Variants in MED13L observed in about 807,000 individuals in gnomAD.
MED13L encodes the protein mediator of RNA polymerase II transcription subunit 13-like.
A neutral mutation model predicts 220.9 loss-of-function variants in MED13L; 7 were observed. The ratio of observed to expected loss-of-function variants is 0.03; its 90% CI spans 0.02 to 0.06. MED13L has a LOEUF of 0.06. Ranked by LOEUF, MED13L falls within the 10% of genes least tolerant of loss-of-function variation. MED13L has a pLI of 1.00. For missense variants in MED13L, 1,965 were observed against 2,760.5 expected (o/e 0.71, Z 6.46); for synonymous variants, 1,011 against 1,015.2 (o/e 1.00, Z 0.08).
intron 29 of MED13L, among the ~76,000 whole-genome samples, chr12:115,964,551 G>T (rs534509418): frequency 6.6e-6 from 1 of 152,154 alleles, no homozygotes; most frequent in East Asian, 1.9e-4. Context: ...TTATTTTTCA[G>T]ACTGAGTTGA....
intron 2 of MED13L, among the ~76,000 whole-genome samples, chr12:116,158,879 C>T (rs1160906522): frequency 6.6e-6 from 1 of 152,150 alleles, no homozygotes; most frequent in African/African-American, 2.4e-5. Flanking sequence ...GCTGAAGTAA[C>T]CTCACGTGAC....
chr12:116,184,034 G>A (rs1292584885), intron 2 of MED13L, among the ~76,000 whole-genome samples: 1 of 152,050 alleles, frequency 6.6e-6, no homozygotes, highest in Non-Finnish European at 1.5e-5. Context: ...CATTTAAGAA[G>A]GATTACCACC....
chr12:116,045,163 T>A (rs1566028115), intron 4 of MED13L, among the ~76,000 whole-genome samples: 1 of 152,200 alleles, frequency 6.6e-6, no homozygotes, highest in African/African-American at 2.4e-5. Flanking sequence ...ATGGAAAATA[T>A]TACATGTTCT....
intron 1 of MED13L, among the ~76,000 whole-genome samples, chr12:116,241,215 G>C (rs1190685085): frequency 6.6e-6 from 1 of 151,410 alleles, no homozygotes; most frequent in African/African-American, 2.4e-5. Flanking sequence ...TGAAGCAGGA[G>C]AATCGCTTGA....
At chr12:116,189,402 G>C (rs1881123588) in intron 2 of MED13L, among the ~76,000 whole-genome samples, 1 of 151,790 alleles carries the variant, frequency 6.6e-6, no homozygotes, top group African/African-American at 2.4e-5. Context: ...ACAAGTACTA[G>C]CTCTCTGTCA....
chr12:116,167,581 C>CA lies in MED13L; in HGVS notation c.311-56070dup, dbSNP rs886426950. On this transcript the variant is annotated intron_variant, in intron 2 of 30. Coordinates refer to ENST00000281928, the MANE Select transcript of MED13L (RefSeq NM_015335.5). Reference sequence around the variant, plus strand: ...TTATGTGGAGATCACTTTGAGGTGTCAAAAAAAAATCAATTCATCATATTC... The same window carrying CA: ...TTATGTGGAGATCACTTTGAGGTGTCAAAAAAAAAATCAATTCATCATATTC... Among the ~76,000 whole-genome samples, 29 of 150,682 alleles carry CA rather than the reference C, an allele frequency of 1.9e-4. 1 individual carries two copies. The highest frequency in any genetic ancestry group is 6.9e-3 in the Middle Eastern group (2 of 290).
At chr12:116,099,383 C>T (rs1205575700) in intron 3 of MED13L, among the ~76,000 whole-genome samples, 2 of 152,154 alleles carry the variant, frequency 1.3e-5, no homozygotes, top group African/African-American at 4.8e-5. Flanking sequence ...ATTGATAATG[C>T]TGAGAATAAA....
chr12:116,154,416 C>T (rs1045790903), intron 2 of MED13L, among the ~76,000 whole-genome samples: 1 of 152,138 alleles, frequency 6.6e-6, no homozygotes, highest in Admixed American at 6.5e-5. Flanking sequence ...AACTTCCCAC[C>T]ACCCAATAAA....
chr12:115,974,977 GATTTT>G (rs1312551852), intron 25 of MED13L, among the ~76,000 whole-genome samples, 189 bp downstream of exon 25: 7 of 152,052 alleles, frequency 4.6e-5, no homozygotes, highest in Non-Finnish European at 1.0e-4. Flanking sequence ...CAAAATTTAA[GATTTT>G]ATTTGGATAT....
At chr12:116,091,687 T>C (rs555223094) in intron 4 of MED13L, among the ~76,000 whole-genome samples, 1 of 152,350 alleles carries the variant, frequency 6.6e-6, no homozygotes, top group Non-Finnish European at 1.5e-5. Context: ...TAATGCAAGC[T>C]ACTGCAATCT....
intron 4 of MED13L, among the ~76,000 whole-genome samples, chr12:116,077,839 T>C (rs569789708): frequency 6.6e-6 from 1 of 152,270 alleles, no homozygotes; most frequent in East Asian, 1.9e-4. Context: ...ATTTTTTAGG[T>C]ATACATACTT....
intron 1 of MED13L, among the ~76,000 whole-genome samples, chr12:116,257,047 G>C (rs540937678): frequency 1.3e-5 from 2 of 152,212 alleles, no homozygotes; most frequent in East Asian, 3.9e-4. Flanking sequence ...TCGTTTAGAG[G>C]TATACACAAT....
intron 4 of MED13L, among the ~76,000 whole-genome samples, chr12:116,026,280 GC>G (rs565264513): frequency 5.1e-4 from 78 of 152,248 alleles, no homozygotes; most frequent in African/African-American, 1.8e-3. Flanking sequence ...ATTTGAATTT[GC>G]TATGTCCCAA....
intron 1 of MED13L, among the ~76,000 whole-genome samples, chr12:116,266,094 C>A (rs2138573864): frequency 6.6e-6 from 1 of 152,236 alleles, no homozygotes; most frequent in Middle Eastern, 3.4e-3. Context: ...TACATTATTC[C>A]AAAATACATG....
At chr12:116,020,515 T>C (rs1396160260) in intron 5 of MED13L, among the ~76,000 whole-genome samples, 2 of 152,202 alleles carry the variant, frequency 1.3e-5, no homozygotes, top group African/African-American at 2.4e-5. Context: ...GAATAACATA[T>C]AAATGAAATT....
chr12:116,106,918 G>A (rs560548053), intron 3 of MED13L, among the ~76,000 whole-genome samples: 5 of 151,684 alleles, frequency 3.3e-5, no homozygotes, highest in Non-Finnish European at 7.4e-5. Context: ...AATTGACTAT[G>A]TGACTTTTAA....
rs538204797 is a variant in MED13L, at chr12:116,231,345, C to A, written c.310+6123G>T. Among the ~76,000 whole-genome samples, 146 of 152,234 alleles carry A rather than the reference C, an allele frequency of 9.6e-4. No individual in the cohort carries two copies. In the South Asian group the frequency reaches 0.022, roughly 23 times the overall value. On this transcript the variant is annotated intron_variant, in intron 2 of 30. Coordinates refer to ENST00000281928, the MANE Select transcript of MED13L (RefSeq NM_015335.5). The stretch of plus-strand genomic sequence containing the variant: ...GACATGACCTGTTTCTGATGTGATG[C>A]CGTGGAAAGGACACAACATCACCTA...
intron 4 of MED13L, among the ~76,000 whole-genome samples, chr12:116,057,939 A>G (rs961081425): frequency 6.6e-6 from 1 of 152,190 alleles, no homozygotes; most frequent in African/African-American, 2.4e-5. Context: ...GGTTCAAAAT[A>G]CATTATTTCA....
chr12:116,081,956 T>TC (rs1181478135), intron 4 of MED13L, among the ~76,000 whole-genome samples: 2 of 152,106 alleles, frequency 1.3e-5, no homozygotes, highest in African/African-American at 2.4e-5. Flanking sequence ...ATGAATACAT[T>TC]TTTTTTTTAA....
Sources: gnomAD v4.1 joint callset for allele counts (sites outside exome capture counted in the v4.1 genomes callset) on GRCh38, gnomAD v4.1.1 for gene constraint, MANE v1.5 for transcripts, NCBI Gene and HGNC (gene_info 2026-07-23, HGNC 2026-07-21) for gene names.